The following LAD1 variants were observed in gnomAD, a reference collection of about 807,000 sequenced individuals.
LAD1 encodes ladinin 1.
In LAD1, 53 loss-of-function variants were observed where a neutral mutation model predicts 54.2. That is an observed-to-expected ratio of 0.98 (90% CI 0.78 to 1.23). The LOEUF is 1.23. LAD1 is among the 50% of genes most tolerant of loss of function. The pLI is 0.00. For synonymous variants in LAD1, 231 were observed against 257.7 expected, an observed-to-expected ratio of 0.90 and a Z score of 0.99; for missense variants, 637 against 653.3, an observed-to-expected ratio of 0.98 and a Z score of 0.27.
chr1:201,384,721 C>T (rs747757910), intron 5 of LAD1, 71 bp downstream of exon 5: 27 of 1,470,414 alleles, frequency 1.8e-5, no homozygotes, highest in Non-Finnish European at 2.3e-5. Context: ...ACAAGGAGGG[C>T]GGGTGCAGGT....
intron 2 of LAD1, 29 bp downstream of exon 2, chr1:201,389,131 T>C: frequency 6.2e-7 from 1 of 1,607,214 alleles, no homozygotes; most frequent in East Asian, 2.2e-5. Context: ...TCCATCCCCA[T>C]CCATCAGGAT....
Position 201,399,251 on chromosome 1 carries a change from G to A in LAD1, c.38+18C>T, listed in dbSNP as rs1427365177. 9 of 1,549,114 alleles carry A rather than the reference G, an allele frequency of 5.8e-6. No individual in the cohort carries two copies. The South Asian group carries it at 8.2e-5, about 14-fold the overall frequency. Reference sequence around the variant, plus strand: ...CCCCGCCGACCCCCCGCCCCTCCCGGCTCCCTCCGGCGCTCACCTGGACAG... The same window carrying A: ...CCCCGCCGACCCCCCGCCCCTCCCGACTCCCTCCGGCGCTCACCTGGACAG... On this transcript the variant is annotated intron_variant, in intron 1 of 9. Transcript: ENST00000391967.
In LAD1 at chr1:201,392,416, A is replaced by T. The variant is rs1052008898; in HGVS notation, c.39-3113T>A. The stretch of plus-strand genomic sequence containing the variant: ...GCCCATGAACAAAATGACACCAGCT[A>T]AGTGTCACTAGGACAAGGGAACAAA... On this transcript the variant is annotated intron_variant, in intron 1 of 9. Coordinates refer to ENST00000391967, the MANE Select transcript of LAD1 (RefSeq NM_005558.4). Among the ~76,000 whole-genome samples the T allele has an allele frequency of 4.3e-4, 65 of 152,246 alleles. 1 individual carries two copies. The highest frequency in any genetic ancestry group is 3.9e-3 in the Admixed American group (60 of 15,284).
At position 201,385,723 on chromosome 1, in the gene LAD1, C is replaced by CTGGA; in HGVS notation, c.1105_1108dup (p.Ser370IlefsTer62). The CTGGA allele has an allele frequency of 1.2e-6, 2 of 1,614,006 alleles. No homozygotes were observed. Among genetic ancestry groups the CTGGA allele is most frequent in the Non-Finnish European group, 1.7e-6 (2 of 1,179,890 alleles). On this transcript the variant is annotated frameshift_variant, in exon 4 of 10. Coordinates refer to ENST00000391967, the MANE Select transcript of LAD1 (RefSeq NM_005558.4). LOFTEE classifies it high-confidence loss of function. Reference sequence around the variant, plus strand: ...CACCCGAAAGGAGATGGTCCTGGGGCTGGAGCGTTTGAGGGAGCTGCTGTA... The same window carrying CTGGA: ...CACCCGAAAGGAGATGGTCCTGGGGCTGGATGGAGCGTTTGAGGGAGCTGCTGTA...
At chr1:201,392,131 G>A (rs1238067868) in intron 1 of LAD1, among the ~76,000 whole-genome samples, 1 of 152,244 alleles carries the variant, frequency 6.6e-6, no homozygotes, top group Non-Finnish European at 1.5e-5. Context: ...CTGCCCTTTG[G>A]CAAGTTACTT....
intron 2 of LAD1, among the ~76,000 whole-genome samples, chr1:201,387,923 C>T (rs779607026): frequency 1.3e-5 from 2 of 152,204 alleles, no homozygotes; most frequent in Admixed American, 1.3e-4. Context: ...AACTTACTGT[C>T]GGAGCCTCAG....
Position 201,384,795 on chromosome 1 carries a change from C to T in LAD1, c.1172G>A (p.Arg391His), listed in dbSNP as rs753682492. The T allele has an allele frequency of 1.4e-5, 22 of 1,613,958 alleles. No individual in the cohort carries two copies. In the East Asian group the frequency reaches 2.2e-4, roughly 16 times the overall value. Reference protein sequence around the residue: ...KKENSETTLTRSASMKLPDNT... With the variant: ...KKENSETTLTHSASMKLPDNT... ...CCAGAGCCTCCAGGCCCCCCACCTG[C>T]GAGTTAGGGTTGTTTCCGAGTTTTC... The change falls in exon 5 of 10, where the codon CGC (arginine) becomes CAC (histidine). Residue 391 changes from arginine (R) to histidine (H), a missense_variant. Arg to His is a conservative substitution (Grantham distance 29). Transcript: ENST00000391967.
In LAD1 at chr1:201,380,867, T is replaced by TA. The variant is rs370930535; in HGVS notation, c.*1020dup. The TA allele has an allele frequency of 1.3e-4, 20 of 152,324 alleles. No homozygotes were observed. Among genetic ancestry groups the TA allele is most frequent in the African/African-American group, 4.1e-4 (17 of 41,578 alleles). 9.4% of individuals were successfully genotyped at this position (152,324 alleles called of 1,614,324 possible). ...AATGATTTAAATTTTTGAAAAGTTG[T>TA]AAACCACAGCTTTAAGGGGTTAACA... On this transcript the variant is annotated 3_prime_UTR_variant, in exon 10 of 10. Transcript: ENST00000391967.
chr1:201,387,256 C>T, intron 2 of LAD1, 78 bp from the exon 3 acceptor site: 9 of 1,377,190 alleles, frequency 6.5e-6, no homozygotes, highest in Non-Finnish European at 8.4e-6. Context: ...AATGGAGATG[C>T]TGCCAGGGCC....
intron 1 of LAD1, among the ~76,000 whole-genome samples, chr1:201,397,914 G>C (rs543850414): frequency 6.6e-6 from 1 of 152,176 alleles, no homozygotes; most frequent in Non-Finnish European, 1.5e-5. Flanking sequence ...TGACCCACAT[G>C]CAAAGTCCAA....
intron 7 of LAD1, 89 bp from the exon 8 acceptor site, chr1:201,382,828 C>T (rs938603555): frequency 1.5e-5 from 16 of 1,061,020 alleles, no homozygotes; most frequent in Non-Finnish European, 2.2e-5. Context: ...AGGACTCTCC[C>T]TCACTCCCCT....
chr1:201,394,328 A>G (rs1049308958), intron 1 of LAD1, among the ~76,000 whole-genome samples: 5 of 152,182 alleles, frequency 3.3e-5, no homozygotes, highest in Admixed American at 2.6e-4. Context: ...GTGCCTGCCC[A>G]TCACCCCAAG....
intron 1 of LAD1, among the ~76,000 whole-genome samples, chr1:201,394,241 C>T (rs763685361): frequency 6.6e-5 from 10 of 152,160 alleles, no homozygotes; most frequent in Non-Finnish European, 1.0e-4. Context: ...GCCTCGATGC[C>T]GAGGCGCACA....
intron 6 of LAD1, 46 bp from the exon 7 acceptor site, chr1:201,383,257 A>C: frequency 1.9e-6 from 3 of 1,614,026 alleles, no homozygotes; most frequent in Non-Finnish European, 2.5e-6. Flanking sequence ...GGGGAGGGGA[A>C]AGGGCCATGC....
intron 1 of LAD1, among the ~76,000 whole-genome samples, chr1:201,395,657 C>T (rs903888119): frequency 6.6e-6 from 1 of 152,086 alleles, no homozygotes; most frequent in Non-Finnish European, 1.5e-5. Flanking sequence ...ACTCAGGAGA[C>T]TGAGGCATGA....
chr1:201,386,567 T>C lies in LAD1; in HGVS notation c.794A>G (p.Lys265Arg). The C allele has an allele frequency of 1.2e-6, 2 of 1,613,924 alleles. No individual in the cohort carries two copies. The highest frequency in any genetic ancestry group is 1.7e-6 in the Non-Finnish European group (2 of 1,179,940). ...TGGGCTCTTCTCTGAGGCCAGTGCC[T>C]TCTCAAAGATGGAAGCTTTCTCAGA... Reference protein sequence around the residue: ...LVSEKASIFEKALASEKSPTA... With the variant: ...LVSEKASIFERALASEKSPTA... The change falls in exon 3 of 10, where the codon AAG (lysine) becomes AGG (arginine). Residue 265 changes from lysine (K) to arginine (R), a missense_variant. By Grantham distance (26) the Lys-to-Arg change is conservative. Coordinates refer to ENST00000391967, the MANE Select transcript of LAD1 (RefSeq NM_005558.4).
In LAD1 at chr1:201,391,292, G is replaced by C. The variant is rs1662192554; in HGVS notation, c.39-1989C>G. The C allele has an allele frequency of 7.9e-6, 3 of 379,794 alleles. No homozygotes were observed. In the Admixed American group the frequency reaches 1.0e-4, roughly 13 times the overall value. 23.5% of individuals were successfully genotyped at this position (379,794 alleles called of 1,614,324 possible). ...GCCCCAGTCACCCTTCATTCATGGG[G>C]CCAAGCAGGCATTCTACAGCCAGCC... On this transcript the variant is annotated intron_variant, in intron 1 of 9. Coordinates refer to ENST00000391967, the MANE Select transcript of LAD1 (RefSeq NM_005558.4).
At position 201,399,242 on chromosome 1, in the gene LAD1, CCCCTCCCGGCTCCCTCCGG is replaced by C; in HGVS notation, c.38+8_38+26del. On this transcript the variant is annotated splice_region_variant and intron_variant, in intron 1 of 9. Coordinates refer to ENST00000391967, the MANE Select transcript of LAD1 (RefSeq NM_005558.4). Reference sequence around the variant, plus strand: ...CCAAAGGCTCCCCGCCGACCCCCCGCCCCTCCCGGCTCCCTCCGGCGCTCACCTGGACAGCGCGGACCAG... The same window carrying C: ...CCAAAGGCTCCCCGCCGACCCCCCGCCGCTCACCTGGACAGCGCGGACCAG... 1 of 1,538,568 alleles carries C rather than the reference CCCCTCCCGGCTCCCTCCGG, an allele frequency of 6.5e-7. No individual in the cohort carries two copies. Among genetic ancestry groups the C allele is most frequent in the Non-Finnish European group, 8.7e-7 (1 of 1,145,492 alleles).
intron 7 of LAD1, 78 bp downstream of exon 7, chr1:201,382,996 T>C (rs1434315063): frequency 6.6e-7 from 1 of 1,508,458 alleles, no homozygotes; most frequent in Non-Finnish European, 9.0e-7. Context: ...TTTTCTAGCA[T>C]TGCCACAGCC....
Sources: gnomAD v4.1 joint callset for allele counts (sites outside exome capture counted in the v4.1 genomes callset) on GRCh38, gnomAD v4.1.1 for gene constraint, MANE v1.5 for transcripts, NCBI Gene and HGNC (gene_info 2026-07-23, HGNC 2026-07-21) for gene names.